The following ADAMTS14 variants were observed in gnomAD, a reference collection of about 807,000 sequenced individuals.
ADAMTS14 encodes A disintegrin and metalloproteinase with thrombospondin motifs 14.
Under a neutral mutation model 128.6 loss-of-function variants are expected in ADAMTS14, and 100 were observed. The ratio of observed to expected loss-of-function variants is 0.78; its 90% CI spans 0.66 to 0.92. The LOEUF (loss-of-function observed/expected upper bound fraction) is 0.92. ADAMTS14 is among the 40% of genes least tolerant of loss of function. The probability of loss-of-function intolerance (pLI) is 0.00; values close to 1 mark genes in which losing one functional copy is unlikely to be tolerated. For synonymous variants in ADAMTS14, 665 were observed against 653.8 expected, an observed-to-expected ratio of 1.02 and a Z score of -0.26; for missense variants, 1,562 against 1,658.6, an observed-to-expected ratio of 0.94 and a Z score of 1.01.
At position 70,716,160 on chromosome 10, in the gene ADAMTS14, C is replaced by A. The variant is rs74918797; in HGVS notation, c.870+7382C>A. 2.8e-4 allele frequency among the ~76,000 whole-genome samples: 43 copies of A among 152,342 alleles called. No homozygotes were observed. The East Asian group carries it at 7.7e-3, about 27-fold the overall frequency. On this transcript the variant is annotated intron_variant, in intron 4 of 21. Transcript: ENST00000373207. ...GTCCTACCTTCCTTCTCCCCACAAT[C>A]TGCCAGAAAGTGGGTGAGGAGAGAG...
intron 4 of ADAMTS14, among the ~76,000 whole-genome samples, chr10:70,715,516 G>C (rs534541018): frequency 5.3e-5 from 8 of 152,198 alleles, no homozygotes; most frequent in Admixed American, 3.3e-4. Flanking sequence ...CAGCTCAAAT[G>C]ATGGGGGTGA....
rs531736930 is a variant in ADAMTS14 at position 70,747,774 on chromosome 10, C to T, written c.2264-2048C>T. Among the ~76,000 whole-genome samples the T allele has an allele frequency of 1.4e-3, 212 of 152,224 alleles. 2 individuals are homozygous for T. Among genetic ancestry groups the T allele is most frequent in the African/African-American group, 4.1e-3 (171 of 41,522 alleles). The stretch of plus-strand genomic sequence containing the variant: ...CCTGGTGGGGAGAGCGAAGCAGTGG[C>T]GGCCCAGGAGCTGAACTCTGAAGTT... On this transcript the variant is annotated intron_variant, in intron 15 of 21. Transcript: ENST00000373207.
At chr10:70,735,374 T>C (rs749445133) in intron 9 of ADAMTS14, 73 bp downstream of exon 9, 78 of 1,558,288 alleles carry the variant, frequency 5.0e-5, no homozygotes, top group Non-Finnish European at 6.7e-5. Flanking sequence ...ATGCTGACCA[T>C]TCATGAGGTG....
intron 12 of ADAMTS14, 96 bp from the exon 13 acceptor site, chr10:70,743,452 G>A (rs1376701244): frequency 7.0e-7 from 1 of 1,438,608 alleles, no homozygotes; most frequent in Non-Finnish European, 9.2e-7. Context: ...GTCCAGAGCT[G>A]GCCCCGGAGC....
intron 2 of ADAMTS14, among the ~76,000 whole-genome samples, chr10:70,698,083 A>G (rs1223447859): frequency 6.6e-6 from 1 of 152,176 alleles, no homozygotes; most frequent in African/African-American, 2.4e-5. Context: ...AATTGGATGT[A>G]ATCAATGATT....
At chr10:70,732,193 G>C (rs571942888) in intron 6 of ADAMTS14, 61 bp from the exon 7 acceptor site, 1 of 1,442,538 alleles carries the variant, frequency 6.9e-7, no homozygotes, top group African/African-American at 1.4e-5. Flanking sequence ...ACAGACCTCA[G>C]TGTGTCCTGC....
At chr10:70,729,088 A>G (rs1427656277) in intron 4 of ADAMTS14, among the ~76,000 whole-genome samples, 1 of 152,144 alleles carries the variant, frequency 6.6e-6, no homozygotes, top group Middle Eastern at 3.2e-3. Context: ...TGTGAATCCC[A>G]GTTCTGCAGC....
intron 21 of ADAMTS14, 71 bp downstream of exon 21, chr10:70,758,356 A>G: frequency 7.1e-7 from 1 of 1,399,090 alleles, no homozygotes; most frequent in South Asian, 1.4e-5. Context: ...AGCATGGGCC[A>G]CTCAGTGGAG....
intron 2 of ADAMTS14, among the ~76,000 whole-genome samples, chr10:70,691,881 T>C (rs975151940): frequency 1.3e-5 from 2 of 152,210 alleles, no homozygotes; most frequent in Non-Finnish European, 2.9e-5. Flanking sequence ...ACTTGCCCAT[T>C]TCTGGTGTTA....
At chr10:70,714,103 G>A (rs1204143925) in intron 4 of ADAMTS14, among the ~76,000 whole-genome samples, 1 of 152,198 alleles carries the variant, frequency 6.6e-6, no homozygotes, top group African/African-American at 2.4e-5. Flanking sequence ...TGAGGTGGGA[G>A]GATCGCTGGA....
Position 70,728,105 on chromosome 10 carries a change from A to G in ADAMTS14, c.871-1189A>G, listed in dbSNP as rs143605090. Among the ~76,000 whole-genome samples, 3 of 152,040 alleles carry G rather than the reference A, an allele frequency of 2.0e-5. No individual in the cohort carries two copies. The East Asian group carries it at 5.8e-4, about 30-fold the overall frequency. On this transcript the variant is annotated intron_variant, in intron 4 of 21. Transcript: ENST00000373207. ...AGCGAGACTCCACCTCAAAAAAAAAAAAAAAAATCTTGGCCTCAAGTGAGC... is the reference window on the plus strand; with the variant it reads ...AGCGAGACTCCACCTCAAAAAAAAAGAAAAAAATCTTGGCCTCAAGTGAGC...
chr10:70,699,229 G>A (rs927136438), intron 2 of ADAMTS14, among the ~76,000 whole-genome samples: 1 of 152,076 alleles, frequency 6.6e-6, no homozygotes, highest in Non-Finnish European at 1.5e-5. Context: ...GGTGACTTTG[G>A]GCCAGTTACT....
chr10:70,746,435 A>G (rs1842179906), intron 15 of ADAMTS14, among the ~76,000 whole-genome samples: 1 of 152,224 alleles, frequency 6.6e-6, no homozygotes, highest in African/African-American at 2.4e-5. Context: ...GGAAAGAGGC[A>G]TGACGGCTAA....
chr10:70,743,074 A>G lies in ADAMTS14; in HGVS notation c.1925-474A>G, dbSNP rs118038189. On this transcript the variant is annotated intron_variant, in intron 12 of 21. Transcript: ENST00000373207. ...AACCACTTATCGTGTGGTTGTGTGG[A>G]CTTGAGCAAGTTCCTTAACCTCTCT... is the stretch of plus-strand genomic sequence containing the variant. Among the ~76,000 whole-genome samples the G allele has an allele frequency of 2.7e-4, 41 of 152,322 alleles. No individual in the cohort carries two copies. The East Asian group carries it at 7.9e-3, about 29-fold the overall frequency.
chr10:70,758,231 G>A lies in ADAMTS14; in HGVS notation c.3124G>A (p.Gly1042Arg). The A allele has an allele frequency of 1.9e-6, 3 of 1,614,216 alleles. No homozygotes were observed. Among genetic ancestry groups the A allele is most frequent in the Non-Finnish European group, 2.5e-6 (3 of 1,180,024 alleles). ...ADVWELGTPE[G>R]QWVPQSEPLH... ...TGTCTGGGAACTTGGGACGCCAGAG[G>A]GGCAGTGGGTGCCACAATCTGAACC... The change falls in exon 21 of 22, where the codon GGG (glycine) becomes AGG (arginine). Residue 1042 changes from glycine (G) to arginine (R), a missense_variant. Coordinates refer to ENST00000373207, the MANE Select transcript of ADAMTS14 (RefSeq NM_080722.4).
intron 6 of ADAMTS14, 135 bp downstream of exon 6, chr10:70,730,384 C>T (rs1345455735): frequency 3.4e-5 from 42 of 1,221,886 alleles, no homozygotes; most frequent in Non-Finnish European, 4.4e-5. Flanking sequence ...CCTGGACAGC[C>T]GAGGATGAGC....
At chr10:70,732,485 T>C in intron 7 of ADAMTS14, 126 bp downstream of exon 7, 1 of 845,610 alleles carries the variant, frequency 1.2e-6, no homozygotes, top group Non-Finnish European at 1.8e-6. Context: ...TCAGAGGAGC[T>C]GGACTGCCAC....
At chr10:70,680,192 G>C (rs966286178) in intron 2 of ADAMTS14, among the ~76,000 whole-genome samples, 25 of 152,034 alleles carry the variant, frequency 1.6e-4, no homozygotes, top group African/African-American at 6.0e-4. Context: ...ACCTGAGGTG[G>C]GGAGTTTGAG....
At chr10:70,754,074 T>A in intron 19 of ADAMTS14, 67 bp downstream of exon 19, 1 of 1,401,892 alleles carries the variant, frequency 7.1e-7, no homozygotes, top group Non-Finnish European at 9.5e-7. Flanking sequence ...TTTTTGGTGT[T>A]CCCTGCAGGC....
Sources: allele counts gnomAD v4.1 joint callset (sites outside exome capture counted in the v4.1 genomes callset), GRCh38; gene constraint gnomAD v4.1.1; transcripts MANE v1.5; gene names NCBI Gene and HGNC (gene_info 2026-07-23, HGNC 2026-07-21).